Variants in MTPAP observed in about 807,000 individuals in gnomAD.
MTPAP encodes the protein mitochondrial poly(A) polymerase, also known as poly(A) RNA polymerase, mitochondrial.
In MTPAP, 23 loss-of-function variants were observed where a neutral mutation model predicts 48.7. The observed-to-expected ratio is 0.47, with a 90% CI of 0.34 to 0.67. The LOEUF (loss-of-function observed/expected upper bound fraction) is 0.67. MTPAP is among the 30% of genes least tolerant of loss of function. The pLI, the probability that MTPAP is intolerant of heterozygous loss-of-function variation, is 0.01. For missense variants in MTPAP, 614 were observed against 694.3 expected, an observed-to-expected ratio of 0.88 and a Z score of 1.30; for synonymous variants, 257 against 254.1, an observed-to-expected ratio of 1.01 and a Z score of -0.11.
chr10:30,332,878 T>C (rs1317993738), intron 4 of MTPAP, among the ~76,000 whole-genome samples: 2 of 151,844 alleles, frequency 1.3e-5, no homozygotes, highest in African/African-American at 2.4e-5. Flanking sequence ...TCCCAGCACT[T>C]TGGGAGGCAG....
At chr10:30,323,128 CAAAA>C (rs201987154) in intron 5 of MTPAP, among the ~76,000 whole-genome samples, 3 of 86,520 alleles carry the variant, frequency 3.5e-5, no homozygotes, top group African/African-American at 1.5e-4. Context: ...GACTCCGTTT[CAAAA>C]AAAAAAAAAA....
intron 3 of MTPAP, 63 bp downstream of exon 3, chr10:30,340,163 G>A (rs1054633171): frequency 7.7e-7 from 1 of 1,299,094 alleles, no homozygotes; most frequent in African/African-American, 1.5e-5. Flanking sequence ...CATTTTACAG[G>A]AATCTTTATT....
rs1397470060 is a variant in MTPAP at position 30,311,845 on chromosome 10, A to T, written c.*1764T>A. On this transcript the variant is annotated 3_prime_UTR_variant, in exon 9 of 9. Transcript: ENST00000263063. Reference sequence around the variant, plus strand: ...ATGCCCAGGCCTTACTTGCTTCTTAAATAGAAAGTTACTCCACAGAAGCCA... The same window carrying T: ...ATGCCCAGGCCTTACTTGCTTCTTATATAGAAAGTTACTCCACAGAAGCCA... The T allele has an allele frequency of 1.3e-5, 2 of 152,288 alleles. No homozygotes were observed. Among genetic ancestry groups the T allele is most frequent in the Non-Finnish European group, 2.9e-5 (2 of 68,156 alleles). The allele number at this position is 152,288 out of a possible 1,614,324, so 9.4% of individuals were successfully genotyped here. A position where few individuals can be genotyped will look rare whatever the true frequency, so the allele number is the denominator to read the frequency against.
intron 3 of MTPAP, chr10:30,339,954 C>T: frequency 2.1e-6 from 1 of 473,750 alleles, no homozygotes; most frequent in South Asian, 2.2e-5. Flanking sequence ...GACCATATGC[C>T]AGTCATCAAT....
chr10:30,340,149 T>C, intron 3 of MTPAP, 77 bp downstream of exon 3: 1 of 1,217,340 alleles, frequency 8.2e-7, no homozygotes, highest in Non-Finnish European at 1.2e-6. Flanking sequence ...TAATGTAGCT[T>C]GAACATTTTA....
intron 4 of MTPAP, among the ~76,000 whole-genome samples, chr10:30,330,074 GTATTTC>G (rs959066498): frequency 9.2e-5 from 14 of 152,058 alleles, no homozygotes; most frequent in Admixed American, 3.3e-4. Context: ...AGATACTTAT[GTATTTC>G]TATGTCTATC....
chr10:30,319,797 G>A (rs1840700899), intron 6 of MTPAP, among the ~76,000 whole-genome samples: 2 of 152,174 alleles, frequency 1.3e-5, no homozygotes, highest in South Asian at 2.1e-4. Flanking sequence ...GCTATATGCC[G>A]AGAAGCAATT....
chr10:30,312,786 G>C lies in MTPAP; in HGVS notation c.*823C>G, dbSNP rs761961279. On this transcript the variant is annotated 3_prime_UTR_variant, in exon 9 of 9. Coordinates refer to ENST00000263063, the MANE Select transcript of MTPAP (RefSeq NM_018109.4). ...GTCTCTTTCCTGCAGGAAGAGGGGA[G>C]TTCTCAAAAGAGATGTGAAGGAATA... 2 of 152,040 alleles carry C rather than the reference G, an allele frequency of 1.3e-5. No homozygotes were observed. The highest frequency in any genetic ancestry group is 2.9e-5 in the Non-Finnish European group (2 of 68,008). 9.4% of individuals were successfully genotyped at this position (152,040 alleles called of 1,614,324 possible). A position where few individuals can be genotyped will look rare whatever the true frequency, so the allele number is the denominator to read the frequency against.
At chr10:30,347,102 T>A (rs573173195) in intron 1 of MTPAP, among the ~76,000 whole-genome samples, 1 of 152,196 alleles carries the variant, frequency 6.6e-6, no homozygotes, top group African/African-American at 2.4e-5. Context: ...TAGTTTCTGT[T>A]ACCTGTATCA....
Position 30,323,668 on chromosome 10 carries a change from C to T in MTPAP, c.993-1051G>A, listed in dbSNP as rs201163257. On this transcript the variant is annotated intron_variant, in intron 5 of 8. Coordinates refer to ENST00000263063, the MANE Select transcript of MTPAP (RefSeq NM_018109.4). Reference sequence around the variant, plus strand: ...GGGACTACAGGCGCCCACCACCACGCCCGGCTAATTTTTTTGTATTTTTAG... The same window carrying T: ...GGGACTACAGGCGCCCACCACCACGTCCGGCTAATTTTTTTGTATTTTTAG... 1.4e-3 allele frequency among the ~76,000 whole-genome samples: 210 copies of T among 152,094 alleles called. 3 individuals are homozygous for T. The East Asian group carries it at 0.038, about 27-fold the overall frequency.
At chr10:30,341,696 T>C (rs1023053695) in intron 1 of MTPAP, 56 bp from the exon 2 acceptor site, 99 of 1,589,050 alleles carry the variant, frequency 6.2e-5, no homozygotes, top group Middle Eastern at 1.7e-4. Flanking sequence ...ATTTTAAAAA[T>C]ATTTTGATAA....
intron 4 of MTPAP, among the ~76,000 whole-genome samples, chr10:30,328,691 T>C (rs1045503653): frequency 6.6e-6 from 1 of 152,010 alleles, no homozygotes; most frequent in African/African-American, 2.4e-5. Flanking sequence ...ACTGTAGGAG[T>C]GTACCCCACA....
chr10:30,338,925 C>T (rs932548523), intron 3 of MTPAP, among the ~76,000 whole-genome samples: 26 of 151,784 alleles, frequency 1.7e-4, no homozygotes, highest in African/African-American at 6.0e-4. Flanking sequence ...AGATCGAGAC[C>T]ATCCTGGCTA....
chr10:30,313,842 C>A lies in MTPAP; in HGVS notation c.1516G>T (p.Ala506Ser), dbSNP rs1260452727. The change falls in exon 9 of 9, where the codon GCC (alanine) becomes TCC (serine). Residue 506 changes from alanine (A) to serine (S), a missense_variant. This residue lies in a region of MTPAP where 109 missense variants were observed against 100.5 expected (regional missense o/e 1.08). Transcript: ENST00000263063. ...QKFVDLARES[A>S]WILQQEDTDR... ...GTATCTTCCTGTTGTAAAATCCAGGCACTTTCTCGGGCCAAATCTACAAAT... is the reference window on the plus strand; with the variant it reads ...GTATCTTCCTGTTGTAAAATCCAGGAACTTTCTCGGGCCAAATCTACAAAT... 6.2e-7 allele frequency: 1 copy of A among 1,614,166 alleles called. No individual in the cohort carries two copies. The highest frequency in any genetic ancestry group is 8.5e-7 in the Non-Finnish European group (1 of 1,180,030).
chr10:30,322,695 A>G, intron 5 of MTPAP, 78 bp from the exon 6 acceptor site: 1 of 953,992 alleles, frequency 1.0e-6, no homozygotes, highest in South Asian at 1.4e-5. Context: ...CAAACCAAGA[A>G]ACACATCTAA....
Position 30,336,879 on chromosome 10 carries a change from T to C in MTPAP, c.704A>G (p.Asn235Ser), listed in dbSNP as rs143393544. Reference sequence around the variant, plus strand: ...ATCACATCCTAACTTCCCAAAAGTGTTGACTGAGGAGCCAAAGGGTCTGAC... The same window carrying C: ...ATCACATCCTAACTTCCCAAAAGTGCTGACTGAGGAGCCAAAGGGTCTGAC... ...CIVRPFGSSV[N>S]TFGKLGCDLD... Residue 235 changes from asparagine to serine, a missense_variant, in exon 4 of 9, where the codon AAC becomes AGC. Coordinates refer to ENST00000263063, the MANE Select transcript of MTPAP (RefSeq NM_018109.4). 2 of 1,613,026 alleles carry C rather than the reference T, an allele frequency of 1.2e-6. No homozygotes were observed. Among genetic ancestry groups the C allele is most frequent in the Non-Finnish European group, 1.7e-6 (2 of 1,180,024 alleles).
chr10:30,329,007 G>T (rs138611251), intron 4 of MTPAP, among the ~76,000 whole-genome samples: 3,921 of 152,070 alleles, frequency 0.026, 66 homozygotes, highest in Non-Finnish European at 0.036. Context: ...ACTTTGGGAG[G>T]CTGAGGCAGG....
In MTPAP at chr10:30,326,452, A is replaced by T. The variant is rs369559176; in HGVS notation, c.964T>A (p.Phe322Ile). ...TTGTTCGTAGTCAAATCACACTGAA[A>T]TCCGGAGGCCTGGTGTGAGAACCTC... ...LVRFSHQASG[F>I]QCDLTTNNRI... The change falls in exon 5 of 9, where the codon TTT (phenylalanine) becomes ATT (isoleucine). Residue 322 changes from phenylalanine to isoleucine, a missense_variant. Phe to Ile is a conservative substitution (Grantham distance 21). Coordinates refer to ENST00000263063, the MANE Select transcript of MTPAP (RefSeq NM_018109.4). 6 of 1,614,056 alleles carry T rather than the reference A, an allele frequency of 3.7e-6. No homozygotes were observed. Among genetic ancestry groups the T allele is most frequent in the Middle Eastern group, 1.6e-4 (1 of 6,084 alleles).
chr10:30,342,138 A>C (rs566741201), intron 1 of MTPAP, among the ~76,000 whole-genome samples: 7 of 152,276 alleles, frequency 4.6e-5, no homozygotes, highest in Admixed American at 4.6e-4. Context: ...TGGGAGGCTG[A>C]AACAGGAGAA....
Sources: allele counts gnomAD v4.1 joint callset (sites outside exome capture counted in the v4.1 genomes callset), GRCh38; gene constraint gnomAD v4.1.1; regional missense constraint gnomAD v4.1.1; transcripts MANE v1.5; gene names NCBI Gene and HGNC (gene_info 2026-07-23, HGNC 2026-07-21).